The following KCNAB1 variants were observed in gnomAD, a reference collection of about 807,000 sequenced individuals.
KCNAB1 encodes voltage-gated potassium channel subunit beta-1.
In KCNAB1, 35 loss-of-function variants were observed where a neutral mutation model predicts 64.6. The observed-to-expected ratio is 0.54, with a 90% CI of 0.41 to 0.72. The LOEUF is 0.72. KCNAB1 is among the 30% of genes least tolerant of loss of function. The pLI, the probability that KCNAB1 is intolerant of heterozygous loss-of-function variation, is 0.00. For missense variants in KCNAB1, 401 were observed against 512.9 expected (o/e 0.78, Z 2.11); for synonymous variants, 177 against 183.8 (o/e 0.96, Z 0.30).
intron 1 of KCNAB1, among the ~76,000 whole-genome samples, chr3:156,128,621 G>A (rs184671046): frequency 8.5e-5 from 13 of 152,282 alleles, no homozygotes; most frequent in African/African-American, 3.1e-4. Flanking sequence ...GAGGGAACGT[G>A]CCTCATAAAG....
chr3:156,278,421 A>G (rs1719480549), intron 1 of KCNAB1, among the ~76,000 whole-genome samples: 1 of 152,168 alleles, frequency 6.6e-6, no homozygotes, highest in Non-Finnish European at 1.5e-5. Flanking sequence ...TTTGAGTCCA[A>G]TTAGACTAGC....
Position 156,536,670 on chromosome 3 carries a change from A to G in KCNAB1, c.1183A>G (p.Met395Val). The change falls in exon 14 of 14, where the codon ATG becomes GTG. Residue 395 changes from methionine to valine, a missense_variant. By Grantham distance (21) the Met-to-Val change is conservative (BLOSUM62 1). Transcript: ENST00000490337. ...NLGAIQVLPK[M>V]TSHVVNEIDN... ...CTCCTGCTCTCAGGTTCTCCCAAAGATGACATCACATGTGGTAAATGAGAT... is the reference window on the plus strand; with the variant it reads ...CTCCTGCTCTCAGGTTCTCCCAAAGGTGACATCACATGTGGTAAATGAGAT... 6.2e-7 allele frequency: 1 copy of G among 1,611,288 alleles called. No homozygotes were observed. Among genetic ancestry groups the G allele is most frequent in the South Asian group, 1.1e-5 (1 of 91,028 alleles).
intron 1 of KCNAB1, among the ~76,000 whole-genome samples, chr3:156,160,057 G>C (rs1033036753): frequency 1.3e-5 from 2 of 152,214 alleles, no homozygotes; most frequent in African/African-American, 2.4e-5. Flanking sequence ...ATGCTCTCTT[G>C]ATAGTCAGGG....
intron 4 of KCNAB1, among the ~76,000 whole-genome samples, chr3:156,459,303 A>G (rs530482241): frequency 6.6e-6 from 1 of 152,298 alleles, no homozygotes. Flanking sequence ...TTTTGCTCCT[A>G]TGACAAAGTT....
intron 1 of KCNAB1, among the ~76,000 whole-genome samples, chr3:156,342,585 CTT>C (rs60982892): frequency 0.13 from 10,979 of 86,338 alleles, 857 homozygotes; most frequent in African/African-American, 0.3. Context: ...CTATGTGTTT[CTT>C]TTTTTTTTTT....
chr3:156,211,732 T>C (rs1047997694), intron 1 of KCNAB1, among the ~76,000 whole-genome samples: 2 of 152,230 alleles, frequency 1.3e-5, no homozygotes, highest in African/African-American at 2.4e-5. Flanking sequence ...CATAATTCTG[T>C]GGTGATTACT....
chr3:156,452,813 G>T lies in KCNAB1; in HGVS notation c.320-86G>T, dbSNP rs1712107699. On this transcript the variant is annotated intron_variant, in intron 2 of 13. Transcript: ENST00000490337. The surrounding 1 kb of genome is among the most constrained non-coding windows in gnomAD (Gnocchi z 4.6). ...TGAACTACCCATACAACCTATTGAG[G>T]TAGTCCCAAAGTAAGAATTTCCCTT... The T allele has an allele frequency of 1.0e-6, 1 of 969,422 alleles. No homozygotes were observed. The highest frequency in any genetic ancestry group is 1.9e-5 in the Admixed American group (1 of 51,368). The allele number at this position is 969,422 out of a possible 1,614,324, so 60.1% of individuals were successfully genotyped here. A position where few individuals can be genotyped will look rare whatever the true frequency, so the allele number is the denominator to read the frequency against.
intron 2 of KCNAB1, among the ~76,000 whole-genome samples, chr3:156,443,897 C>G (rs937719611): frequency 1.1e-4 from 16 of 152,254 alleles, no homozygotes; most frequent in African/African-American, 3.1e-4. Flanking sequence ...ATTTCAAGCT[C>G]TTTTGTAAAA....
chr3:156,371,204 G>A (rs998428678), intron 1 of KCNAB1, among the ~76,000 whole-genome samples: 1 of 152,180 alleles, frequency 6.6e-6, no homozygotes, highest in African/African-American at 2.4e-5. Flanking sequence ...CTGCCCTCAA[G>A]GGGTCAAGGA....
At chr3:156,408,124 C>T (rs1453469018) in intron 1 of KCNAB1, among the ~76,000 whole-genome samples, 2 of 152,078 alleles carry the variant, frequency 1.3e-5, no homozygotes, top group Admixed American at 6.6e-5. Context: ...TGTGCATGAA[C>T]TAGCTCAGGC....
chr3:156,278,749 A>G (rs1016818187), intron 1 of KCNAB1, among the ~76,000 whole-genome samples: 3 of 152,134 alleles, frequency 2.0e-5, no homozygotes, highest in Admixed American at 1.3e-4. Flanking sequence ...AGTGAGCATC[A>G]AAACTCGCAG....
intron 1 of KCNAB1, among the ~76,000 whole-genome samples, chr3:156,204,254 G>A (rs150575519): frequency 1.4e-4 from 21 of 152,278 alleles, no homozygotes; most frequent in African/African-American, 5.1e-4. Flanking sequence ...TCCCAGGTGG[G>A]GCGGGACTGA....
intron 8 of KCNAB1, among the ~76,000 whole-genome samples, chr3:156,501,727 C>T (rs542884006): frequency 6.6e-5 from 10 of 152,092 alleles, no homozygotes; most frequent in African/African-American, 1.4e-4. Flanking sequence ...CCACTGCGCC[C>T]GGCCTGACTT....
intron 1 of KCNAB1, among the ~76,000 whole-genome samples, chr3:156,140,355 T>A (rs1714636238): frequency 1.3e-5 from 2 of 152,194 alleles, no homozygotes; most frequent in Non-Finnish European, 2.9e-5. Flanking sequence ...TGCACATTAA[T>A]TTCTCACAGT....
At chr3:156,366,237 A>G (rs905541600) in intron 1 of KCNAB1, among the ~76,000 whole-genome samples, 9 of 152,220 alleles carry the variant, frequency 5.9e-5, no homozygotes, top group African/African-American at 2.2e-4. Context: ...TAGAGTTTAA[A>G]ACAAATGATG....
intron 1 of KCNAB1, among the ~76,000 whole-genome samples, chr3:156,313,452 A>G (rs772845421): frequency 4.5e-4 from 68 of 152,310 alleles, no homozygotes; most frequent in African/African-American, 8.7e-4. Context: ...AATCACAGGT[A>G]TCTTTACAAG....
chr3:156,512,562 T>C (rs554711035), intron 8 of KCNAB1, among the ~76,000 whole-genome samples: 9 of 152,324 alleles, frequency 5.9e-5, no homozygotes, highest in Admixed American at 4.6e-4. Flanking sequence ...TGACACAGGA[T>C]GTGAAGGGAA....
At chr3:156,307,939 C>T (rs973310595) in intron 1 of KCNAB1, among the ~76,000 whole-genome samples, 7 of 152,024 alleles carry the variant, frequency 4.6e-5, no homozygotes, top group African/African-American at 1.2e-4. Flanking sequence ...GGCACTGTTC[C>T]GGGTGTTGAG....
At chr3:156,290,574 G>A (rs1365962607) in intron 1 of KCNAB1, among the ~76,000 whole-genome samples, 2 of 152,204 alleles carry the variant, frequency 1.3e-5, no homozygotes, top group Non-Finnish European at 2.9e-5. Context: ...CCTGCCTCAT[G>A]TGGGTTCAGA....
Sources: gnomAD v4.1 joint callset for allele counts (sites outside exome capture counted in the v4.1 genomes callset) on GRCh38, gnomAD v4.1.1 for gene constraint, Gnocchi (gnomAD v3.1) non-coding constraint, MANE v1.5 for transcripts, NCBI Gene and HGNC (gene_info 2026-07-23, HGNC 2026-07-21) for gene names.